Variants in KDM4C observed in about 807,000 individuals in gnomAD.
KDM4C encodes the protein lysine demethylase 4C, also known as lysine-specific demethylase 4C.
In KDM4C, 81 loss-of-function variants were observed where a neutral mutation model predicts 129.3. That is an observed-to-expected ratio of 0.63 (90% confidence interval 0.52 to 0.75). The LOEUF (loss-of-function observed/expected upper bound fraction) is 0.75. Among genes scored for constraint, KDM4C ranks in the 30% least tolerant of loss-of-function variants. The pLI is 0.00. For missense variants in KDM4C, 1,457 were observed against 1,304.0 expected (o/e 1.12, Z -1.81); for synonymous variants, 573 against 456.1 (o/e 1.26, Z -3.26).
intron 4 of KDM4C, among the ~76,000 whole-genome samples, chr9:6,845,735 C>G (rs901022556): frequency 6.6e-6 from 1 of 152,124 alleles, no homozygotes; most frequent in Non-Finnish European, 1.5e-5. Flanking sequence ...GGCCGGGGCA[C>G]GTAGACTCCC....
intron 8 of KDM4C, among the ~76,000 whole-genome samples, chr9:6,967,396 C>T (rs1175807660): frequency 1.3e-5 from 2 of 148,524 alleles, no homozygotes; most frequent in Non-Finnish European, 3.0e-5. Flanking sequence ...TGCACTCCTG[C>T]CTGGGTGACA....
chr9:6,782,077 G>T (rs771520617), intron 1 of KDM4C, among the ~76,000 whole-genome samples: 1 of 152,088 alleles, frequency 6.6e-6, no homozygotes, highest in Non-Finnish European at 1.5e-5. Context: ...TGTCCACCTC[G>T]GTCTCCCAAG....
chr9:6,790,870 CT>C (rs2130857920), intron 1 of KDM4C, among the ~76,000 whole-genome samples: 1 of 152,176 alleles, frequency 6.6e-6, no homozygotes, highest in East Asian at 1.9e-4. Context: ...AGGAATCATC[CT>C]GTTTATTGAC....
At chr9:6,894,362 GTAC>G (rs1846525851) in intron 8 of KDM4C, among the ~76,000 whole-genome samples, 3 of 152,206 alleles carry the variant, frequency 2.0e-5, no homozygotes, top group Non-Finnish European at 4.4e-5. Context: ...GAACAGAACT[GTAC>G]TACTACTTCA....
chr9:6,914,919 G>A (rs879601510), intron 8 of KDM4C, among the ~76,000 whole-genome samples: 6 of 152,192 alleles, frequency 3.9e-5, no homozygotes, highest in African/African-American at 7.2e-5. Context: ...TGAATTATCT[G>A]TAATTTGCTT....
At chr9:7,157,846 G>A (rs1465235099) in intron 19 of KDM4C, among the ~76,000 whole-genome samples, 1 of 152,158 alleles carries the variant, frequency 6.6e-6, no homozygotes, top group Non-Finnish European at 1.5e-5. Flanking sequence ...CCAGGCTTTG[G>A]TATCAGGATG....
At position 6,758,514 on chromosome 9, in the gene KDM4C, C is replaced by T. The variant is rs952094240; in HGVS notation, c.-18+311C>T. On this transcript the variant is annotated intron_variant, in intron 1 of 21. Transcript: ENST00000381309. This position sits in a 1 kb window ranked among gnomAD's most constrained non-coding sequence, Gnocchi z 4.6. ...CGCCTCCTTGGGGCAGAGGAGCGCT[C>T]GGGCGGTCCTGGGATGCGGACCTCT... Among the ~76,000 whole-genome samples, 2 of 151,646 alleles carry T rather than the reference C, an allele frequency of 1.3e-5. No individual in the cohort carries two copies. Among genetic ancestry groups the T allele is most frequent in the South Asian group, 2.1e-4 (1 of 4,804 alleles).
intron 4 of KDM4C, chr9:6,835,329 T>G: frequency 1.0e-6 from 1 of 965,918 alleles, no homozygotes; most frequent in South Asian, 1.3e-5. Context: ...ACAAAGACCT[T>G]TACGCCAACA....
intron 15 of KDM4C, among the ~76,000 whole-genome samples, chr9:7,032,715 C>G (rs925224520): frequency 2.6e-5 from 4 of 152,328 alleles, no homozygotes; most frequent in African/African-American, 7.2e-5. Flanking sequence ...GCCAGACCAT[C>G]TCATTCCCAG....
At chr9:7,163,528 G>A (rs1423008445) in intron 19 of KDM4C, among the ~76,000 whole-genome samples, 1 of 152,172 alleles carries the variant, frequency 6.6e-6, no homozygotes, top group African/African-American at 2.4e-5. Flanking sequence ...ATCTTTAGCA[G>A]CAGGAGAAGC....
chr9:6,821,744 C>T (rs1833065536), intron 4 of KDM4C, among the ~76,000 whole-genome samples: 1 of 151,978 alleles, frequency 6.6e-6, no homozygotes, highest in African/African-American at 2.4e-5. Context: ...AAGCAGTTCT[C>T]CTGCCTTAGC....
At chr9:6,783,626 A>G (rs1563995758) in intron 1 of KDM4C, among the ~76,000 whole-genome samples, 3 of 152,176 alleles carry the variant, frequency 2.0e-5, no homozygotes, top group Admixed American at 2.0e-4. Context: ...GAATAGGGGC[A>G]TGGAAAGGAG....
chr9:6,792,505 C>T (rs989365217), intron 1 of KDM4C, among the ~76,000 whole-genome samples: 3 of 151,900 alleles, frequency 2.0e-5, no homozygotes, highest in Admixed American at 2.0e-4. Flanking sequence ...TTTGCTGCCT[C>T]AGCCTCCTGA....
intron 19 of KDM4C, among the ~76,000 whole-genome samples, chr9:7,156,976 T>G (rs1843244714): frequency 6.6e-6 from 1 of 152,238 alleles, no homozygotes; most frequent in African/African-American, 2.4e-5. Flanking sequence ...TGATTCTTCC[T>G]ATCCATGAGC....
chr9:6,822,099 C>G (rs1311697040), intron 4 of KDM4C, among the ~76,000 whole-genome samples: 1 of 152,190 alleles, frequency 6.6e-6, no homozygotes, highest in South Asian at 2.1e-4. Flanking sequence ...TGGGGCGAAT[C>G]CAGCCTTTGG....
chr9:6,829,202 T>C (rs1453463055), intron 4 of KDM4C, among the ~76,000 whole-genome samples: 1 of 151,764 alleles, frequency 6.6e-6, no homozygotes, highest in East Asian at 1.9e-4. Context: ...ACAGTAGGAG[T>C]GTAAAGAGGT....
At chr9:6,954,495 G>T (rs144067913) in intron 8 of KDM4C, among the ~76,000 whole-genome samples, 20 of 152,246 alleles carry the variant, frequency 1.3e-4, no homozygotes, top group African/African-American at 4.6e-4. Flanking sequence ...TCTCAGACAT[G>T]ATCTTTTTAT....
chr9:6,807,157 C>T (rs1398304106), intron 3 of KDM4C, among the ~76,000 whole-genome samples: 1 of 152,080 alleles, frequency 6.6e-6, no homozygotes, highest in Admixed American at 6.5e-5. Context: ...CCCGAGGTGC[C>T]GGGATTGCAG....
chr9:6,980,582 C>T (rs373671330), intron 8 of KDM4C, among the ~76,000 whole-genome samples: 2 of 152,156 alleles, frequency 1.3e-5, no homozygotes, highest in African/African-American at 2.4e-5. Context: ...CTTTACAGAC[C>T]TTTTAGCGCT....
Sources: gnomAD v4.1 joint callset for allele counts (sites outside exome capture counted in the v4.1 genomes callset) on GRCh38, gnomAD v4.1.1 for gene constraint, Gnocchi (gnomAD v3.1) non-coding constraint, MANE v1.5 for transcripts, NCBI Gene and HGNC (gene_info 2026-07-23, HGNC 2026-07-21) for gene names.